ELMO1: variants seen among roughly 807,000 people sequenced by gnomAD.
ELMO1 encodes engulfment and cell motility protein 1.
Under a neutral mutation model 98.9 loss-of-function variants are expected in ELMO1, and 26 were observed. The ratio of observed to expected loss-of-function variants is 0.26; its 90% confidence interval spans 0.19 to 0.36. The LOEUF (loss-of-function observed/expected upper bound fraction) is 0.36, where lower values mean the gene tolerates loss of function less well. ELMO1 is among the 10% of genes least tolerant of loss of function. The pLI is 1.00. For synonymous variants in ELMO1, 346 were observed against 346.0 expected, an observed-to-expected ratio of 1.00 and a Z score of 0.00; for missense variants, 627 against 935.2, an observed-to-expected ratio of 0.67 and a Z score of 4.30.
intron 14 of ELMO1, among the ~76,000 whole-genome samples, chr7:37,130,692 G>A (rs1437950079): frequency 6.6e-6 from 1 of 152,130 alleles, no homozygotes; most frequent in East Asian, 1.9e-4. Context: ...GAAAGTGGGT[G>A]AGGGACCATG....
chr7:37,067,007 G>A (rs1160845746), intron 15 of ELMO1, among the ~76,000 whole-genome samples: 2 of 152,122 alleles, frequency 1.3e-5, no homozygotes, highest in Non-Finnish European at 2.9e-5. Flanking sequence ...GGACTTAGGA[G>A]TAAATTCTCT....
At chr7:37,018,947 A>T (rs1794113058) in intron 15 of ELMO1, among the ~76,000 whole-genome samples, 1 of 152,072 alleles carries the variant, frequency 6.6e-6, no homozygotes, top group South Asian at 2.1e-4. Context: ...GGTCCCATAG[A>T]TAAGCGGGGG....
intron 1 of ELMO1, among the ~76,000 whole-genome samples, chr7:37,425,286 C>T (rs530414632): frequency 1.3e-5 from 2 of 152,306 alleles, no homozygotes; most frequent in African/African-American, 4.8e-5. Flanking sequence ...CAGCAGAGAG[C>T]TCTCTTGGGT....
intron 5 of ELMO1, among the ~76,000 whole-genome samples, chr7:37,260,494 G>A (rs545637182): frequency 6.6e-6 from 1 of 152,208 alleles, no homozygotes; most frequent in Non-Finnish European, 1.5e-5. Context: ...AATAGGGGAG[G>A]GAATCCATGC....
intron 1 of ELMO1, among the ~76,000 whole-genome samples, chr7:37,418,038 C>G (rs1804303282): frequency 1.3e-5 from 2 of 152,092 alleles, no homozygotes; most frequent in Admixed American, 6.5e-5. Flanking sequence ...GTTTCTAGAG[C>G]TGTGAGAGAA....
intron 16 of ELMO1, among the ~76,000 whole-genome samples, chr7:36,963,283 C>G (rs2129123066): frequency 6.6e-6 from 1 of 152,138 alleles, no homozygotes; most frequent in African/African-American, 2.4e-5. Flanking sequence ...GAGACTGAGG[C>G]AGGAGAATCA....
intron 4 of ELMO1, among the ~76,000 whole-genome samples, chr7:37,292,596 T>C (rs1797764788): frequency 9.0e-6 from 1 of 110,542 alleles, no homozygotes; most frequent in African/African-American, 3.0e-5. Context: ...ACCTCTGCCC[T>C]GCTGCCCCGT....
chr7:37,146,968 G>C (rs959821914), intron 13 of ELMO1, among the ~76,000 whole-genome samples: 1 of 152,156 alleles, frequency 6.6e-6, no homozygotes, highest in African/African-American at 2.4e-5. Flanking sequence ...ACAATGGCTA[G>C]TAAGTGGCAG....
intron 13 of ELMO1, among the ~76,000 whole-genome samples, chr7:37,139,102 A>G (rs758106956): frequency 2.0e-5 from 3 of 152,148 alleles, no homozygotes; most frequent in Non-Finnish European, 2.9e-5. Flanking sequence ...TTTACAACAA[A>G]CTCACCATCA....
intron 1 of ELMO1, among the ~76,000 whole-genome samples, chr7:37,435,874 C>T (rs1219444538): frequency 6.6e-6 from 1 of 152,194 alleles, no homozygotes; most frequent in African/African-American, 2.4e-5. Flanking sequence ...CGACGGTGCT[C>T]TTTTACACAC....
chr7:37,283,257 C>G (rs1306692006), intron 4 of ELMO1, among the ~76,000 whole-genome samples: 1 of 152,172 alleles, frequency 6.6e-6, no homozygotes. Flanking sequence ...AGACGACAAA[C>G]TCGCCTTAAA....
At chr7:37,189,167 T>C (rs188305853) in intron 13 of ELMO1, among the ~76,000 whole-genome samples, 7 of 152,332 alleles carry the variant, frequency 4.6e-5, no homozygotes, top group Non-Finnish European at 1.0e-4. Flanking sequence ...CTTTTAATCA[T>C]GATGTTTGAA....
chr7:37,091,344 TGATCCACCCGCCTCGGCC>T (rs1784078695), intron 15 of ELMO1, among the ~76,000 whole-genome samples: 1 of 152,132 alleles, frequency 6.6e-6, no homozygotes, highest in African/African-American at 2.4e-5. Context: ...TGACCTCAGG[TGATCCACCCGCCTCGGCC>T]GCTGAAAGTG....
At chr7:37,290,859 A>T (rs1379815740) in intron 4 of ELMO1, among the ~76,000 whole-genome samples, 1 of 152,078 alleles carries the variant, frequency 6.6e-6, no homozygotes, top group East Asian at 1.9e-4. Flanking sequence ...TTTGATGATG[A>T]TGATGATGAT....
chr7:37,167,748 G>C lies in ELMO1; in HGVS notation c.1087-34514C>G, dbSNP rs968381054. The stretch of plus-strand genomic sequence containing the variant: ...GGCTTCCCTTTGTGGGTAACCCGAC[G>C]TTTCTCTCTGGCTGCCCTTAACATT... On this transcript the variant is annotated intron_variant, in intron 13 of 21. Transcript: ENST00000310758. Among the ~76,000 whole-genome samples, 320 of 151,886 alleles carry C rather than the reference G, an allele frequency of 2.1e-3. 4 individuals carry two copies. Among genetic ancestry groups the C allele is most frequent in the East Asian group, 5.6e-3 (29 of 5,152 alleles).
At chr7:37,237,556 C>T (rs1794543429) in intron 7 of ELMO1, among the ~76,000 whole-genome samples, 1 of 152,190 alleles carries the variant, frequency 6.6e-6, no homozygotes, top group Admixed American at 6.5e-5. Flanking sequence ...TCCCAAAGTG[C>T]TGGGATTACA....
intron 1 of ELMO1, chr7:37,435,105 G>T (rs990236967): frequency 6.6e-6 from 1 of 152,242 alleles, no homozygotes; most frequent in Non-Finnish European, 1.5e-5. Context: ...ATTAACAAAT[G>T]AATATTTCCG....
At chr7:37,335,740 C>G (rs1480411963) in intron 2 of ELMO1, among the ~76,000 whole-genome samples, 1 of 152,234 alleles carries the variant, frequency 6.6e-6, no homozygotes, top group Non-Finnish European at 1.5e-5. Flanking sequence ...AACTATGTAT[C>G]TCTTCCCATT....
intron 15 of ELMO1, among the ~76,000 whole-genome samples, chr7:37,016,688 C>G (rs1010024802): frequency 6.6e-6 from 1 of 152,218 alleles, no homozygotes; most frequent in African/African-American, 2.4e-5. Context: ...AAGGCCTGCA[C>G]CGCCAGCAGC....
Sources: allele counts gnomAD v4.1 joint callset (sites outside exome capture counted in the v4.1 genomes callset), GRCh38; gene constraint gnomAD v4.1.1; transcripts MANE v1.5; gene names NCBI Gene and HGNC (gene_info 2026-07-23, HGNC 2026-07-21).